AGBL1: variants seen among roughly 807,000 people sequenced by gnomAD.
The protein encoded by AGBL1 is AGBL carboxypeptidase 1, also known as cytosolic carboxypeptidase 4.
In AGBL1, 130 loss-of-function variants were observed where a neutral mutation model predicts 118.9. The observed-to-expected ratio is 1.09, with a 90% CI of 0.95 to 1.26. AGBL1 has a LOEUF of 1.26. Among genes scored for constraint, AGBL1 ranks in the 50% most tolerant of loss-of-function variants. The pLI is 0.00. For synonymous variants in AGBL1, 555 were observed against 478.9 expected (o/e 1.16, Z -2.08); for missense variants, 1,584 against 1,298.1 (o/e 1.22, Z -3.38).
chr15:86,257,164 G>A, intron 8 of AGBL1, 146 bp downstream of exon 8: 1 of 966,310 alleles, frequency 1.0e-6, no homozygotes, highest in Non-Finnish European at 1.5e-6. Context: ...ATATGAAAAA[G>A]CAGTTTTGAT....
intron 18 of AGBL1, among the ~76,000 whole-genome samples, chr15:86,499,287 A>G (rs1303575578): frequency 6.6e-6 from 1 of 151,952 alleles, no homozygotes; most frequent in African/African-American, 2.4e-5. Context: ...GCTATTGTTA[A>G]TTCTGAGAAT....
intron 18 of AGBL1, among the ~76,000 whole-genome samples, chr15:86,438,008 C>T (rs895512589): frequency 3.9e-5 from 6 of 152,164 alleles, no homozygotes; most frequent in African/African-American, 9.6e-5. Flanking sequence ...CAGGTTCAAG[C>T]GATTCTCCTG....
At chr15:86,598,981 G>T (rs142474494) in intron 21 of AGBL1, among the ~76,000 whole-genome samples, 130 of 152,134 alleles carry the variant, frequency 8.5e-4, no homozygotes, top group East Asian at 5.0e-3. Context: ...ATGGGAGAGT[G>T]TATAATATTC....
At chr15:86,850,609 A>C (rs531712698) in intron 22 of AGBL1, among the ~76,000 whole-genome samples, 17 of 152,306 alleles carry the variant, frequency 1.1e-4, no homozygotes, top group Non-Finnish European at 2.4e-4. Flanking sequence ...TCTGCCAAAC[A>C]TTCTTATTAA....
chr15:86,470,530 T>C (rs1467652003), intron 18 of AGBL1, among the ~76,000 whole-genome samples: 1 of 152,222 alleles, frequency 6.6e-6, no homozygotes, highest in Non-Finnish European at 1.5e-5. Context: ...GTGTCTTTTG[T>C]GGTTCCATAT....
chr15:86,779,769 C>T (rs2078306238), intron 22 of AGBL1, among the ~76,000 whole-genome samples: 1 of 151,922 alleles, frequency 6.6e-6, no homozygotes, highest in Admixed American at 6.6e-5. Context: ...TTTCAGATGA[C>T]TAATAAAATA....
chr15:86,765,892 T>C (rs1054437902), intron 22 of AGBL1, among the ~76,000 whole-genome samples: 3 of 151,946 alleles, frequency 2.0e-5, no homozygotes, highest in Admixed American at 6.6e-5. Flanking sequence ...AAAAAGTCTC[T>C]AGGTGTTGTC....
At chr15:86,487,611 T>C (rs992647072) in intron 18 of AGBL1, among the ~76,000 whole-genome samples, 2 of 151,812 alleles carry the variant, frequency 1.3e-5, no homozygotes, top group Non-Finnish European at 2.9e-5. Flanking sequence ...TAAAGGAGAA[T>C]GAAAGCTCAT....
chr15:86,834,506 A>G (rs1019484171), intron 22 of AGBL1, among the ~76,000 whole-genome samples: 38 of 152,220 alleles, frequency 2.5e-4, no homozygotes, highest in Admixed American at 2.3e-3. Flanking sequence ...TTAGGGATAA[A>G]TTAGGATCTG....
chr15:86,734,092 G>C (rs538721882), intron 22 of AGBL1, among the ~76,000 whole-genome samples: 1 of 152,270 alleles, frequency 6.6e-6, no homozygotes, highest in South Asian at 2.1e-4. Flanking sequence ...GTTCTAGGCA[G>C]TTTGCATATG....
chr15:86,133,966 C>T (rs991120094), intron 1 of AGBL1, among the ~76,000 whole-genome samples: 30 of 152,196 alleles, frequency 2.0e-4, no homozygotes, highest in African/African-American at 6.0e-4. Flanking sequence ...CAACCCCCAC[C>T]ATTATTGAAA....
At chr15:86,430,985 A>T (rs1440738804) in intron 18 of AGBL1, among the ~76,000 whole-genome samples, 1 of 152,192 alleles carries the variant, frequency 6.6e-6, no homozygotes, top group African/African-American at 2.4e-5. Flanking sequence ...GGAAAGTGAG[A>T]CTCAGAGATG....
intron 17 of AGBL1, among the ~76,000 whole-genome samples, chr15:86,387,739 T>G (rs573864297): frequency 2.6e-4 from 40 of 152,318 alleles, no homozygotes; most frequent in Non-Finnish European, 4.3e-4. Context: ...CTTCCATGCC[T>G]TCCTCCCTGC....
intron 17 of AGBL1, among the ~76,000 whole-genome samples, chr15:86,385,802 A>C (rs1341865160): frequency 6.6e-6 from 1 of 152,180 alleles, no homozygotes; most frequent in Non-Finnish European, 1.5e-5. Context: ...AATAATTTAA[A>C]GTGATGTGTG....
At chr15:86,619,698 C>T (rs542740264) in intron 21 of AGBL1, among the ~76,000 whole-genome samples, 14 of 152,162 alleles carry the variant, frequency 9.2e-5, no homozygotes, top group East Asian at 1.9e-4. Context: ...ATTAAAGGAA[C>T]GAGATCAGTA....
At chr15:86,188,084 G>A (rs1482634012) in intron 5 of AGBL1, among the ~76,000 whole-genome samples, 1 of 152,130 alleles carries the variant, frequency 6.6e-6, no homozygotes, top group Non-Finnish European at 1.5e-5. Flanking sequence ...GAATTAGCTT[G>A]GGCACATGGC....
At chr15:86,297,177 A>C (rs554170856) in intron 17 of AGBL1, 1 of 152,172 alleles carries the variant, frequency 6.6e-6, no homozygotes, top group Non-Finnish European at 1.5e-5. Context: ...GGGTTATAGT[A>C]AGTGTACACT....
intron 17 of AGBL1, among the ~76,000 whole-genome samples, chr15:86,391,109 G>T (rs1205556258): frequency 6.6e-6 from 1 of 151,364 alleles, no homozygotes; most frequent in Non-Finnish European, 1.5e-5. Flanking sequence ...GAATATCGGA[G>T]ATGACAATAA....
At chr15:86,781,853 T>C (rs1304113039) in intron 22 of AGBL1, among the ~76,000 whole-genome samples, 1 of 151,812 alleles carries the variant, frequency 6.6e-6, no homozygotes, top group African/African-American at 2.4e-5. Context: ...TCTGATCATC[T>C]ACTGGGAAGA....
Sources: allele counts gnomAD v4.1 joint callset (sites outside exome capture counted in the v4.1 genomes callset), GRCh38; gene constraint gnomAD v4.1.1; transcripts MANE v1.5; gene names NCBI Gene and HGNC (gene_info 2026-07-23, HGNC 2026-07-21).